The following DMXL2 variants were observed in gnomAD, a reference collection of about 807,000 sequenced individuals.
The protein encoded by DMXL2 is dmX-like protein 2.
DMXL2 carries 103 observed loss-of-function variants against 331.1 expected under a neutral mutation model. That is an observed-to-expected ratio of 0.31 (90% CI 0.27 to 0.37). The LOEUF (loss-of-function observed/expected upper bound fraction) is 0.37. Among genes scored for constraint, DMXL2 ranks in the 10% least tolerant of loss-of-function variants. The pLI is 1.00. For missense variants in DMXL2, 3,171 were observed against 3,642.9 expected (o/e 0.87, Z 3.33); for synonymous variants, 1,281 against 1,252.1 (o/e 1.02, Z -0.49).
At chr15:51,539,583 A>G (rs1164396968) in intron 9 of DMXL2, among the ~76,000 whole-genome samples, 1 of 151,962 alleles carries the variant, frequency 6.6e-6, no homozygotes, top group African/African-American at 2.4e-5. Context: ...CCAAGGCGGG[A>G]GGATCGCTTG....
Position 51,481,538 on chromosome 15 carries a change from G to C in DMXL2, c.5568C>G (p.Ala1856=). ...AGGTTGCCAAAGTTCCTTCAGGGGA[G>C]GCAAGATTTCTTCGAATGAGCAAAG... The part of the protein sequence containing the change: ...THPLLIRRNL[A]SPEGTLATLG... The change falls in exon 24 of 44, where the codon GCC becomes GCG. Residue 1856 remains alanine, a synonymous_variant. Transcript: ENST00000560891. 6.2e-7 allele frequency: 1 copy of C among 1,611,374 alleles called. No homozygotes were observed. The highest frequency in any genetic ancestry group is 8.5e-7 in the Non-Finnish European group (1 of 1,179,354).
intron 20 of DMXL2, among the ~76,000 whole-genome samples, chr15:51,490,106 T>A (rs557108274): frequency 2.1e-3 from 325 of 152,342 alleles, no homozygotes; most frequent in Non-Finnish European, 3.9e-3. Context: ...AGATCACATT[T>A]TTTAGTTGGT....
rs77175863 is a variant in DMXL2, at chr15:51,506,077, T to A, written c.2764+1057A>T. The stretch of plus-strand genomic sequence containing the variant: ...TTAATCATAATTGCATTTCTTTTTT[T>A]GAAATGGAAAAATTGACAAGGGTCT... On this transcript the variant is annotated intron_variant, in intron 16 of 43. Transcript: ENST00000560891. Among the ~76,000 whole-genome samples, 1,451 of 152,344 alleles carry A rather than the reference T, an allele frequency of 9.5e-3. 18 individuals carry two copies. Among genetic ancestry groups the A allele is most frequent in the African/African-American group, 0.033 (1,380 of 41,570 alleles).
intron 14 of DMXL2, among the ~76,000 whole-genome samples, chr15:51,515,501 A>G (rs2046985082): frequency 6.6e-6 from 1 of 152,186 alleles, no homozygotes; most frequent in Middle Eastern, 3.2e-3. Flanking sequence ...TCTAGGTAGA[A>G]ACATTAAAAA....
chr15:51,505,620 C>T (rs759088440), intron 16 of DMXL2, among the ~76,000 whole-genome samples: 16 of 152,260 alleles, frequency 1.1e-4, no homozygotes, highest in Middle Eastern at 3.4e-3. Context: ...TTTTTAAATT[C>T]CTGGTGCCTC....
intron 6 of DMXL2, among the ~76,000 whole-genome samples, chr15:51,547,911 G>C (rs558576679): frequency 9.7e-4 from 147 of 152,048 alleles, no homozygotes; most frequent in Non-Finnish European, 2.0e-3. Flanking sequence ...GGCTTTGTGG[G>C]CTACACAGGT....
chr15:51,616,322 A>G (rs2054282473), intron 1 of DMXL2, among the ~76,000 whole-genome samples: 1 of 152,188 alleles, frequency 6.6e-6, no homozygotes, highest in African/African-American at 2.4e-5. Flanking sequence ...ATGAAATGAG[A>G]GGATTTGAGA....
At chr15:51,529,376 GAA>G (rs2047870843) in intron 13 of DMXL2, among the ~76,000 whole-genome samples, 4 of 151,864 alleles carry the variant, frequency 2.6e-5, no homozygotes, top group Admixed American at 6.6e-5. Context: ...CTAAGAAAAA[GAA>G]AGAAAAGACC....
intron 2 of DMXL2, among the ~76,000 whole-genome samples, chr15:51,573,789 C>G (rs1002691128): frequency 6.6e-6 from 1 of 151,878 alleles, no homozygotes; most frequent in Non-Finnish European, 1.5e-5. Flanking sequence ...ACGTGTATAC[C>G]TATGTAACAA....
intron 1 of DMXL2, among the ~76,000 whole-genome samples, chr15:51,604,899 A>T (rs2053474812): frequency 6.6e-6 from 1 of 152,236 alleles, no homozygotes. Context: ...AGAGACATAG[A>T]TCAGTGCAAC....
intron 15 of DMXL2, among the ~76,000 whole-genome samples, chr15:51,512,354 CAAAA>C (rs1266143016): frequency 6.6e-6 from 1 of 151,814 alleles, no homozygotes; most frequent in Non-Finnish European, 1.5e-5. Context: ...CATAAACAAA[CAAAA>C]AGCTCAACAT....
At chr15:51,476,544 T>G (rs762879616) in intron 27 of DMXL2, 45 bp downstream of exon 27, 1 of 1,586,586 alleles carries the variant, frequency 6.3e-7, no homozygotes, top group Non-Finnish European at 8.5e-7. Context: ...TAGGAAGAAA[T>G]TGCCAACTAG....
In DMXL2 at chr15:51,537,657, G is replaced by A. The variant is rs1229196000; in HGVS notation, c.1448C>T (p.Pro483Leu). Residue 483 changes from proline (P) to leucine (L), a missense_variant, in exon 11 of 44, where the codon CCA becomes CTA. Physicochemically the swap from Pro to Leu is moderately conservative, Grantham distance 98. Coordinates refer to ENST00000560891, the MANE Select transcript of DMXL2 (RefSeq NM_001378457.1). ...AAGCAGAACCGTAGGCAGTGGCATTGGTACACTAAGTCGTGAGTAAGTTCT... is the reference window on the plus strand; with the variant it reads ...AAGCAGAACCGTAGGCAGTGGCATTAGTACACTAAGTCGTGAGTAAGTTCT... ...SPRTYSRLSV[P>L]MPLPTVLLDR... 2 of 1,613,698 alleles carry A rather than the reference G, an allele frequency of 1.2e-6. No homozygotes were observed. Among genetic ancestry groups the A allele is most frequent in the East Asian group, 2.2e-5 (1 of 44,860 alleles).
intron 1 of DMXL2, among the ~76,000 whole-genome samples, chr15:51,582,283 A>T (rs2051482335): frequency 6.6e-6 from 1 of 152,198 alleles, no homozygotes; most frequent in South Asian, 2.1e-4. Flanking sequence ...TAAATACATG[A>T]CTATAATTCA....
chr15:51,527,579 A>AT (rs1229977967), intron 13 of DMXL2, among the ~76,000 whole-genome samples: 1 of 152,128 alleles, frequency 6.6e-6, no homozygotes, highest in Non-Finnish European at 1.5e-5. Context: ...AATACAAAAA[A>AT]TTAGCTGGGC....
In DMXL2 at chr15:51,486,146, C is replaced by T; in HGVS notation, c.5409G>A (p.Trp1803Ter). 1 of 1,613,854 alleles carries T rather than the reference C, an allele frequency of 6.2e-7. No homozygotes were observed. The highest frequency in any genetic ancestry group is 8.5e-7 in the Non-Finnish European group (1 of 1,179,864). ...AGGCTCGGGTGTAATCTTTCATTAC[C>T]CAATAGGCAAGACTACGCAGGAAAG... ...PDPFLRSLAY[W>*]VMKDYTRALD... Residue 1803 changes from tryptophan to a stop codon, truncating the protein, a stop_gained, in exon 23 of 44, where the codon TGG becomes TGA. Coordinates refer to ENST00000560891, the MANE Select transcript of DMXL2 (RefSeq NM_001378457.1). LOFTEE classifies it high-confidence loss of function.
chr15:51,463,337 A>G, intron 33 of DMXL2, 42 bp downstream of exon 33: 1 of 1,249,918 alleles, frequency 8.0e-7, no homozygotes, highest in Non-Finnish European at 1.1e-6. Context: ...GTTAAAGAAA[A>G]CTAAAGAAAA....
chr15:51,512,664 T>C (rs1028141489), intron 15 of DMXL2, among the ~76,000 whole-genome samples: 3 of 151,954 alleles, frequency 2.0e-5, no homozygotes, highest in African/African-American at 7.2e-5. Flanking sequence ...ACAAAAAAAT[T>C]AGCCAGGTGG....
At chr15:51,472,956 C>T (rs1358185360) in intron 28 of DMXL2, among the ~76,000 whole-genome samples, 1 of 149,918 alleles carries the variant, frequency 6.7e-6, no homozygotes. Context: ...CCTAAAGGAA[C>T]TTGCCCCAGC....
Sources: allele counts gnomAD v4.1 joint callset (sites outside exome capture counted in the v4.1 genomes callset), GRCh38; gene constraint gnomAD v4.1.1; transcripts MANE v1.5; gene names NCBI Gene and HGNC (gene_info 2026-07-23, HGNC 2026-07-21).